The following GCNT2 variants were observed in gnomAD, a reference collection of about 807,000 sequenced individuals.
The protein encoded by GCNT2 is N-acetyllactosaminide beta-1,6-N-acetylglucosaminyl-transferase.
In GCNT2, 34 loss-of-function variants were observed where a neutral mutation model predicts 34.2. That is an observed-to-expected ratio of 1.00 (90% confidence interval 0.76 to 1.32). The LOEUF is 1.32. GCNT2 is among the 40% of genes most tolerant of loss of function. The pLI is 0.00. For missense variants in GCNT2, 584 were observed against 489.4 expected, an observed-to-expected ratio of 1.19 and a Z score of -1.82; for synonymous variants, 212 against 188.0, an observed-to-expected ratio of 1.13 and a Z score of -1.04.
intron 3 of GCNT2, among the ~76,000 whole-genome samples, chr6:10,536,720 T>TC (rs1386759994): frequency 1.3e-5 from 2 of 150,404 alleles, no homozygotes; most frequent in Non-Finnish European, 3.0e-5. Flanking sequence ...TTTTTTTTTT[T>TC]TGAGATGGAG....
intron 3 of GCNT2, among the ~76,000 whole-genome samples, chr6:10,596,346 A>T (rs1581463057): frequency 2.6e-5 from 4 of 151,992 alleles, no homozygotes; most frequent in Admixed American, 2.6e-4. Flanking sequence ...ACGTGGTGAA[A>T]CCCCGTCTCT....
intron 3 of GCNT2, among the ~76,000 whole-genome samples, chr6:10,588,126 G>A (rs1764437828): frequency 6.6e-6 from 1 of 152,160 alleles, no homozygotes; most frequent in South Asian, 2.1e-4. Flanking sequence ...CTTAGAGAGG[G>A]ACAGAAAGAG....
At chr6:10,545,764 T>TGGA (rs1446290294) in intron 3 of GCNT2, among the ~76,000 whole-genome samples, 1 of 152,082 alleles carries the variant, frequency 6.6e-6, no homozygotes, top group Non-Finnish European at 1.5e-5. Flanking sequence ...AAGCCAGCAG[T>TGGA]GGAGGAGGGT....
chr6:10,563,343 T>G (rs909661090), intron 3 of GCNT2, among the ~76,000 whole-genome samples: 1 of 152,242 alleles, frequency 6.6e-6, no homozygotes, highest in African/African-American at 2.4e-5. Flanking sequence ...TGGACAATGC[T>G]TAATTTGCAA....
In GCNT2 at chr6:10,529,033, A is replaced by G. The variant is rs199586171; in HGVS notation, c.122A>G (p.Asn41Ser). ...CGTTTTCTGAGGGCAGCTCTGTCCA[A>G]TGCTTCACTGTTAGCAGAAGCCTGT... ...NKRFLRAALS[N>S]ASLLAEACHQ... Residue 41 changes from asparagine (N) to serine (S), a missense_variant, in exon 3 of 5, where the codon AAT (asparagine) becomes AGT (serine). Coordinates refer to ENST00000495262, the MANE Select transcript of GCNT2 (RefSeq NM_145649.5). The G allele has an allele frequency of 2.6e-5, 42 of 1,614,148 alleles. No homozygotes were observed. The highest frequency in any genetic ancestry group is 1.6e-4 in the Middle Eastern group (1 of 6,062).
At chr6:10,543,328 A>G (rs1012918879) in intron 3 of GCNT2, among the ~76,000 whole-genome samples, 3 of 151,966 alleles carry the variant, frequency 2.0e-5, no homozygotes, top group Admixed American at 2.0e-4. Flanking sequence ...AGCTGGGACT[A>G]CGGGAGCACA....
At chr6:10,598,937 C>T (rs1349401932) in intron 3 of GCNT2, among the ~76,000 whole-genome samples, 1 of 152,142 alleles carries the variant, frequency 6.6e-6, no homozygotes, top group Non-Finnish European at 1.5e-5. Context: ...TATCAAGTGC[C>T]TGGAATGGCG....
intron 1 of GCNT2, among the ~76,000 whole-genome samples, chr6:10,526,137 C>T (rs945957164): frequency 6.6e-6 from 1 of 152,186 alleles, no homozygotes; most frequent in Non-Finnish European, 1.5e-5. Context: ...ATTTTGTATG[C>T]GTTCTGTATT....
At chr6:10,606,211 A>T (rs929404543) in intron 3 of GCNT2, among the ~76,000 whole-genome samples, 1 of 152,220 alleles carries the variant, frequency 6.6e-6, no homozygotes, top group African/African-American at 2.4e-5. Flanking sequence ...ACTACTCGGG[A>T]GGCTGAGGCA....
At chr6:10,535,091 G>GGA (rs1761696604) in intron 3 of GCNT2, among the ~76,000 whole-genome samples, 1 of 152,178 alleles carries the variant, frequency 6.6e-6, no homozygotes. Flanking sequence ...GGCTGAGGCA[G>GGA]GAGAATCGCT....
intron 3 of GCNT2, among the ~76,000 whole-genome samples, chr6:10,568,702 A>G (rs1053466266): frequency 2.0e-5 from 3 of 152,018 alleles, no homozygotes; most frequent in African/African-American, 7.2e-5. Flanking sequence ...CCTCAGTATT[A>G]CCTGTGTTAC....
intron 3 of GCNT2, among the ~76,000 whole-genome samples, chr6:10,612,056 G>A (rs988861686): frequency 4.0e-5 from 6 of 151,498 alleles, no homozygotes; most frequent in East Asian, 1.9e-4. Context: ...GTGCAATCTC[G>A]GCTCACTGCA....
At chr6:10,564,981 A>T (rs1345178428) in intron 3 of GCNT2, among the ~76,000 whole-genome samples, 1 of 152,212 alleles carries the variant, frequency 6.6e-6, no homozygotes. Flanking sequence ...ACAGGGAGCA[A>T]CCTACTGTAG....
chr6:10,600,275 A>C (rs909556533), intron 3 of GCNT2, among the ~76,000 whole-genome samples: 2 of 152,206 alleles, frequency 1.3e-5, no homozygotes, highest in African/African-American at 4.8e-5. Context: ...AAAAGAGTGC[A>C]TATCAATATT....
intron 1 of GCNT2, among the ~76,000 whole-genome samples, chr6:10,525,136 A>G (rs914060925): frequency 2.0e-5 from 3 of 152,154 alleles, no homozygotes; most frequent in East Asian, 3.8e-4. Context: ...TTCTCTTTCT[A>G]CAGTCAGTTA....
intron 3 of GCNT2, among the ~76,000 whole-genome samples, chr6:10,563,143 A>G (rs1763083974): frequency 6.6e-6 from 1 of 152,164 alleles, no homozygotes. Context: ...CAACAGAGTG[A>G]GACTCGGTCT....
chr6:10,597,726 TG>T (rs1290363281), intron 3 of GCNT2, among the ~76,000 whole-genome samples: 1 of 151,966 alleles, frequency 6.6e-6, no homozygotes, highest in Non-Finnish European at 1.5e-5. Flanking sequence ...CCTCCCAGAG[TG>T]CTGGGATTAT....
intron 1 of GCNT2, among the ~76,000 whole-genome samples, chr6:10,526,136 G>A (rs1165501721): frequency 6.6e-6 from 1 of 152,198 alleles, no homozygotes; most frequent in Non-Finnish European, 1.5e-5. Flanking sequence ...GATTTTGTAT[G>A]CGTTCTGTAT....
intron 3 of GCNT2, chr6:10,574,860 AC>A: frequency 1.4e-6 from 1 of 690,558 alleles, no homozygotes; most frequent in Non-Finnish European, 2.7e-6. Context: ...GAACCCAGGC[AC>A]CTTTCTCTTT....
Sources: gnomAD v4.1 joint callset for allele counts (sites outside exome capture counted in the v4.1 genomes callset) on GRCh38, gnomAD v4.1.1 for gene constraint, MANE v1.5 for transcripts, NCBI Gene and HGNC (gene_info 2026-07-23, HGNC 2026-07-21) for gene names.